The following NEDD9 variants were observed in gnomAD, a reference collection of about 807,000 sequenced individuals.
NEDD9 encodes enhancer of filamentation 1.
A neutral mutation model predicts 76.6 loss-of-function variants in NEDD9; 26 were observed. That is an observed-to-expected ratio of 0.34 (90% CI 0.25 to 0.47). The LOEUF (loss-of-function observed/expected upper bound fraction) is 0.47. Among genes scored for constraint, NEDD9 ranks in the 20% least tolerant of loss-of-function variants. The pLI, the probability that NEDD9 is intolerant of heterozygous loss-of-function variation, is 1.00. For synonymous variants in NEDD9, 392 were observed against 414.2 expected (o/e 0.95, Z 0.65); for missense variants, 937 against 1,058.5 (o/e 0.89, Z 1.59).
At chr6:11,340,489 A>G (rs1414084597) in intron 1 of NEDD9, among the ~76,000 whole-genome samples, 2 of 152,178 alleles carry the variant, frequency 1.3e-5, no homozygotes, top group African/African-American at 4.8e-5. Flanking sequence ...ATCTCATTTA[A>G]TCGTCATAAT....
chr6:11,291,645 A>G (rs1046763852), intron 3 of NEDD9, among the ~76,000 whole-genome samples: 13 of 152,216 alleles, frequency 8.5e-5, no homozygotes, highest in African/African-American at 2.9e-4. Flanking sequence ...TTGTACTCAA[A>G]GGTGCTTCTC....
intron 2 of NEDD9, among the ~76,000 whole-genome samples, chr6:11,316,087 C>T (rs998581667): frequency 7.9e-5 from 12 of 152,188 alleles, no homozygotes; most frequent in African/African-American, 2.7e-4. Context: ...GTTTGTGGCA[C>T]CTTCCACTTC....
At chr6:11,253,961 A>G (rs1430684599) in intron 3 of NEDD9, among the ~76,000 whole-genome samples, 2 of 152,330 alleles carry the variant, frequency 1.3e-5, no homozygotes, top group Admixed American at 1.3e-4. Context: ...TGGCATCTTC[A>G]AGCTTATGCT....
At position 11,252,216 on chromosome 6, in the gene NEDD9, G is replaced by A. The variant is rs938266203; in HGVS notation, c.13-38489C>T. On this transcript the variant is annotated intron_variant, in intron 3 of 3. Coordinates refer to the NEDD9 transcript ENST00000397378. The surrounding 1 kb of genome is among the most constrained non-coding windows in gnomAD (Gnocchi z 4.3). ...TGCCAGCAGAGCCCTCTGGAGAGCT[G>A]ACTGGTATTCTCATTTTCTACCAGC... 2.0e-5 allele frequency among the ~76,000 whole-genome samples: 3 copies of A among 152,160 alleles called. No homozygotes were observed. The highest frequency in any genetic ancestry group is 4.4e-5 in the Non-Finnish European group (3 of 68,030).
At chr6:11,220,867 C>G (rs995840483) in intron 1 of NEDD9, among the ~76,000 whole-genome samples, 14 of 152,274 alleles carry the variant, frequency 9.2e-5, no homozygotes, top group African/African-American at 3.1e-4. Context: ...AGGGTTCGTG[C>G]TGGACAGACA....
intron 3 of NEDD9, 181 bp from the exon 4 acceptor site, chr6:11,192,627 CT>C (rs751377556): frequency 1.9e-5 from 10 of 519,420 alleles, no homozygotes; most frequent in Non-Finnish European, 3.3e-5. Context: ...TGGTTTTTAA[CT>C]TACATTTAAT....
intron 1 of NEDD9, among the ~76,000 whole-genome samples, chr6:11,355,936 T>C (rs556709879): frequency 2.5e-3 from 375 of 152,236 alleles, no homozygotes; most frequent in African/African-American, 7.7e-3. Context: ...TTAGCCAGGA[T>C]GGTCTCGATC....
chr6:11,345,674 C>T (rs1167155613), intron 1 of NEDD9, among the ~76,000 whole-genome samples: 4 of 152,158 alleles, frequency 2.6e-5, no homozygotes, highest in Non-Finnish European at 2.9e-5. Flanking sequence ...AAAGAGACTT[C>T]CTGGAGTAGG....
intron 1 of NEDD9, among the ~76,000 whole-genome samples, chr6:11,345,028 A>C (rs1404944700): frequency 1.3e-5 from 2 of 152,308 alleles, no homozygotes; most frequent in African/African-American, 2.4e-5. Context: ...GAAGTAGAGA[A>C]GATATTATGG....
chr6:11,300,180 G>A (rs1466545936), intron 3 of NEDD9, among the ~76,000 whole-genome samples: 2 of 152,292 alleles, frequency 1.3e-5, no homozygotes, highest in Non-Finnish European at 1.5e-5. Flanking sequence ...ACCTGATGGA[G>A]CTGAAAACCA....
chr6:11,355,198 A>G (rs556227950), intron 1 of NEDD9, among the ~76,000 whole-genome samples: 1 of 152,216 alleles, frequency 6.6e-6, no homozygotes, highest in Non-Finnish European at 1.5e-5. Flanking sequence ...AATAGTCCAG[A>G]GTATTTTAGA....
Position 11,185,227 on chromosome 6 carries a change from C to T in NEDD9, c.2440G>A (p.Val814Met), listed in dbSNP as rs1757944930. Reference protein sequence around the residue: ...TTALQEMVHQVTDLSRNAQLF... With the variant: ...TTALQEMVHQMTDLSRNAQLF... ...TGGGCATTTCTAGAAAGGTCTGTCACTTGGTGCACCATTTCCTGCAGGGCC... is the reference window on the plus strand; with the variant it reads ...TGGGCATTTCTAGAAAGGTCTGTCATTTGGTGCACCATTTCCTGCAGGGCC... The change falls in exon 7 of 7, where the codon GTG (valine) becomes ATG (methionine). Residue 814 changes from valine to methionine, a missense_variant. Transcript: ENST00000379446. 1.9e-6 allele frequency: 3 copies of T among 1,614,088 alleles called. No individual in the cohort carries two copies. Among genetic ancestry groups the T allele is most frequent in the Non-Finnish European group, 2.5e-6 (3 of 1,180,034 alleles).
rs776591691 is a variant in NEDD9, at chr6:11,185,580, G to C, written c.2087C>G (p.Thr696Arg). The change falls in exon 7 of 7, where the codon ACA becomes AGA. Residue 696 changes from threonine (T) to arginine (R), a missense_variant. Transcript: ENST00000379446. Reference protein sequence around the residue: ...KWKPSQSLPTTNSGVSAQDRQ... With the variant: ...KWKPSQSLPTRNSGVSAQDRQ... The stretch of plus-strand genomic sequence containing the variant: ...ATCCTGAGCACTCACGCCACTGTTT[G>C]TGGTGGGTAGGCTCTGAGAGGGCTT... 2.5e-6 allele frequency: 4 copies of C among 1,614,122 alleles called. No homozygotes were observed. The highest frequency in any genetic ancestry group is 2.2e-5 in the South Asian group (2 of 91,096).
upstream of NEDD9, among the ~76,000 whole-genome samples, chr6:11,234,835 C>T (rs913603365): frequency 3.3e-5 from 5 of 151,844 alleles, no homozygotes; most frequent in East Asian, 1.9e-4. Context: ...CTCAGCCTCC[C>T]GAGTAGCTGG....
chr6:11,318,658 C>A (rs1761652948), intron 2 of NEDD9, among the ~76,000 whole-genome samples: 1 of 151,874 alleles, frequency 6.6e-6, no homozygotes, highest in Non-Finnish European at 1.5e-5. Flanking sequence ...GACTTGGCAG[C>A]TTTTTCCCTG....
intron 2 of NEDD9, among the ~76,000 whole-genome samples, chr6:11,320,190 T>C (rs983652792): frequency 5.3e-5 from 8 of 152,276 alleles, no homozygotes; most frequent in African/African-American, 1.9e-4. Context: ...AGTTGAACTG[T>C]ATTTTGTTAC....
intron 1 of NEDD9, among the ~76,000 whole-genome samples, chr6:11,230,169 G>A (rs1475345): frequency 0.64 from 96,719 of 152,132 alleles, 30,939 homozygotes; most frequent in East Asian, 0.68. Flanking sequence ...ATTTTGCTTT[G>A]TAGAGTTACT....
chr6:11,276,427 G>A (rs185766672), intron 3 of NEDD9, among the ~76,000 whole-genome samples: 17 of 152,264 alleles, frequency 1.1e-4, no homozygotes, highest in Middle Eastern at 3.4e-3. Flanking sequence ...GTGCGCACGC[G>A]CACACATGCT....
At chr6:11,209,749 C>A (rs1188979987) in intron 2 of NEDD9, among the ~76,000 whole-genome samples, 1 of 152,162 alleles carries the variant, frequency 6.6e-6, no homozygotes, top group African/African-American at 2.4e-5. Context: ...GAGAAACAAC[C>A]CAGCATCAGC....
Sources: gnomAD v4.1 joint callset for allele counts (sites outside exome capture counted in the v4.1 genomes callset) on GRCh38, gnomAD v4.1.1 for gene constraint, Gnocchi (gnomAD v3.1) non-coding constraint, MANE v1.5 for transcripts, NCBI Gene and HGNC (gene_info 2026-07-23, HGNC 2026-07-21) for gene names.